Variants in PRKN observed in about 807,000 individuals in gnomAD.
The protein encoded by PRKN is E3 ubiquitin-protein ligase parkin.
Under a neutral mutation model 59.5 loss-of-function variants are expected in PRKN, and 56 were observed. That is an observed-to-expected ratio of 0.94 (90% CI 0.76 to 1.18). The LOEUF (loss-of-function observed/expected upper bound fraction) is 1.18. PRKN is among the 50% of genes most tolerant of loss of function. The pLI is 0.00. For synonymous variants in PRKN, 250 were observed against 222.1 expected (o/e 1.13, Z -1.12); for missense variants, 657 against 596.4 (o/e 1.10, Z -1.06).
In PRKN at chr6:161,902,560, A is replaced by ATCTATTTTTTTTTTTT. The variant is rs1554245457; in HGVS notation, c.734+70741_734+70742insAAAAAAAAAAAATAGA. Among the ~76,000 whole-genome samples the ATCTATTTTTTTTTTTT allele has an allele frequency of 3.0e-4, 37 of 125,322 alleles. 1 individual carries two copies. Among genetic ancestry groups the ATCTATTTTTTTTTTTT allele is most frequent in the East Asian group, 9.8e-4 (4 of 4,072 alleles). The allele number at this position is 125,322 out of a possible 152,430, so 82.2% of individuals were successfully genotyped here. On this transcript the variant is annotated intron_variant, in intron 6 of 11. Coordinates refer to ENST00000366898, the MANE Select transcript of PRKN (RefSeq NM_004562.3). ...TATCTATCTATCTATTTATTTATTT[A>ATCTATTTTTTTTTTTT]TTTATTTTTTTTTTTTTGCGACAGA...
intron 6 of PRKN, among the ~76,000 whole-genome samples, chr6:161,817,104 A>G (rs1188124708): frequency 1.3e-5 from 2 of 152,148 alleles, no homozygotes; most frequent in Admixed American, 6.6e-5. Context: ...AATTTGATCA[A>G]TTCTACCTTC....
At chr6:162,243,768 A>G (rs1330808681) in intron 3 of PRKN, among the ~76,000 whole-genome samples, 8 of 152,262 alleles carry the variant, frequency 5.3e-5, no homozygotes, top group African/African-American at 1.4e-4. Flanking sequence ...TAGGGAAAAG[A>G]AAGATGATGA....
In PRKN at chr6:162,007,204, C is replaced by T. The variant is rs916537490; in HGVS notation, c.619-33787G>A. On this transcript the variant is annotated intron_variant, in intron 5 of 11. Transcript: ENST00000366898. ...CTGTGCATTTAAAGAAATGTCACTG[C>T]TCTCAGGATACAGTGCAGTGAGTGG... Among the ~76,000 whole-genome samples, 5 of 152,228 alleles carry T rather than the reference C, an allele frequency of 3.3e-5. No homozygotes were observed. The East Asian group carries it at 7.7e-4, about 24-fold the overall frequency.
chr6:161,472,097 T>C (rs532576219), intron 9 of PRKN, among the ~76,000 whole-genome samples: 14 of 152,058 alleles, frequency 9.2e-5, no homozygotes, highest in African/African-American at 3.4e-4. Flanking sequence ...TTTTGTAGAG[T>C]TGGTAATCTT....
chr6:161,950,843 TAA>T (rs1266071284), intron 6 of PRKN, among the ~76,000 whole-genome samples: 4 of 151,604 alleles, frequency 2.6e-5, no homozygotes, highest in Admixed American at 6.6e-5. Flanking sequence ...TCGAGAGTTG[TAA>T]AAGCCTCAGG....
chr6:162,114,569 T>C (rs571979588), intron 4 of PRKN, among the ~76,000 whole-genome samples: 5 of 152,210 alleles, frequency 3.3e-5, no homozygotes, highest in African/African-American at 1.2e-4. Context: ...TGATTTTGTA[T>C]CCTGAATATT....
chr6:161,855,272 C>T (rs1793606594), intron 6 of PRKN, among the ~76,000 whole-genome samples: 2 of 152,044 alleles, frequency 1.3e-5, no homozygotes, highest in Admixed American at 1.3e-4. Context: ...TCAAGTGATT[C>T]TAACATGCTG....
At chr6:162,272,198 C>T (rs985921742) in intron 2 of PRKN, among the ~76,000 whole-genome samples, 4 of 152,148 alleles carry the variant, frequency 2.6e-5, no homozygotes, top group Non-Finnish European at 5.9e-5. Flanking sequence ...GAGCAGAGGA[C>T]AGTGCTGTTT....
chr6:162,594,084 A>G (rs542782109), intron 1 of PRKN, among the ~76,000 whole-genome samples: 1 of 152,220 alleles, frequency 6.6e-6, no homozygotes, highest in Non-Finnish European at 1.5e-5. Context: ...TAGGAGGTGG[A>G]AGTTGCGGTC....
At chr6:162,449,593 T>C (rs1219782669) in intron 1 of PRKN, among the ~76,000 whole-genome samples, 6 of 152,196 alleles carry the variant, frequency 3.9e-5, no homozygotes, top group Non-Finnish European at 4.4e-5. Context: ...TTTATTTTTA[T>C]TTTTATAACT....
At chr6:162,000,800 C>G (rs1782024562) in intron 5 of PRKN, among the ~76,000 whole-genome samples, 1 of 151,348 alleles carries the variant, frequency 6.6e-6, no homozygotes, top group African/African-American at 2.4e-5. Context: ...ACAGTGAGGA[C>G]TATGAAAGTT....
intron 2 of PRKN, among the ~76,000 whole-genome samples, chr6:162,394,047 A>AT (rs200008115): frequency 2.6e-5 from 4 of 152,176 alleles, no homozygotes; most frequent in African/African-American, 9.6e-5. Context: ...AGTATCCAAA[A>AT]TTTTTTTTGT....
intron 4 of PRKN, among the ~76,000 whole-genome samples, chr6:162,196,593 T>C (rs1273716572): frequency 2.6e-5 from 4 of 152,150 alleles, no homozygotes; most frequent in Non-Finnish European, 5.9e-5. Context: ...CAAACTCTGA[T>C]CAAGGTCACC....
At chr6:162,083,694 A>G (rs1363019326) in intron 4 of PRKN, among the ~76,000 whole-genome samples, 1 of 120,084 alleles carries the variant, frequency 8.3e-6, no homozygotes, top group Non-Finnish European at 1.7e-5. Context: ...AGGAATTAAA[A>G]ATAGTCACAA....
rs140373166 is a variant in PRKN at position 162,133,114 on chromosome 6, A to G, written c.534+68017T>C. On this transcript the variant is annotated intron_variant, in intron 4 of 11. Transcript: ENST00000366898. The stretch of plus-strand genomic sequence containing the variant: ...GCAGGCAGATGGTTTGTGTCTGAAA[A>G]ATGTTAGAAGGATCACTCTGGCTGC... 1.2e-3 allele frequency among the ~76,000 whole-genome samples: 176 copies of G among 152,246 alleles called. 1 individual carries two copies. The highest frequency in any genetic ancestry group is 3.8e-3 in the African/African-American group (159 of 41,548).
At chr6:162,356,208 A>G (rs565003853) in intron 2 of PRKN, among the ~76,000 whole-genome samples, 10 of 152,290 alleles carry the variant, frequency 6.6e-5, no homozygotes, top group Admixed American at 5.9e-4. Flanking sequence ...GCTATTCAAT[A>G]AATTGACTAC....
chr6:162,486,330 T>G lies in PRKN; in HGVS notation c.8-42857A>C, dbSNP rs1465393908. 2.0e-5 allele frequency among the ~76,000 whole-genome samples: 3 copies of G among 152,196 alleles called. No individual in the cohort carries two copies. In the South Asian group the frequency reaches 6.2e-4, roughly 32 times the overall value. ...CATACAAAAAGTTCTACAATTCCAT[T>G]TGTACTCAATAATGCACAAAACTCC... On this transcript the variant is annotated intron_variant, in intron 1 of 11. Coordinates refer to ENST00000366898, the MANE Select transcript of PRKN (RefSeq NM_004562.3).
At position 161,689,185 on chromosome 6, in the gene PRKN, TACACACACACACACACACACACAC is replaced by T. The variant is rs34193135; in HGVS notation, c.871+96563_871+96586del. ...TTGCATCAAAGAGAGAATTAAATTGTACACACACACACACACACACACACACACACACACACACACACACACACA... is the reference window on the plus strand; with the variant it reads ...TTGCATCAAAGAGAGAATTAAATTGTACACACACACACACACACACACACA... On this transcript the variant is annotated intron_variant, in intron 7 of 11. Coordinates refer to ENST00000366898, the MANE Select transcript of PRKN (RefSeq NM_004562.3). Among the ~76,000 whole-genome samples the T allele has an allele frequency of 1.1e-3, 159 of 144,296 alleles. 1 individual carries two copies. The highest frequency in any genetic ancestry group is 3.8e-3 in the African/African-American group (146 of 38,860). The allele number at this position is 144,296 out of a possible 152,430, so 94.7% of individuals were successfully genotyped here. A position where few individuals can be genotyped will look rare whatever the true frequency, so the allele number is the denominator to read the frequency against.
At chr6:162,260,155 C>T (rs368333349) in intron 3 of PRKN, among the ~76,000 whole-genome samples, 2 of 152,100 alleles carry the variant, frequency 1.3e-5, no homozygotes, top group Non-Finnish European at 2.9e-5. Flanking sequence ...AACCCTGCAG[C>T]CCCCAACTGC....
Sources: allele counts gnomAD v4.1 joint callset (sites outside exome capture counted in the v4.1 genomes callset), GRCh38; gene constraint gnomAD v4.1.1; transcripts MANE v1.5; gene names NCBI Gene and HGNC (gene_info 2026-07-23, HGNC 2026-07-21).